The following CHST8 variants were observed in gnomAD, a reference collection of about 807,000 sequenced individuals.
The protein encoded by CHST8 is GALNAC-4-ST1.
Under a neutral mutation model 15.0 loss-of-function variants are expected in CHST8, and 10 were observed. The ratio of observed to expected loss-of-function variants is 0.67; its 90% confidence interval spans 0.41 to 1.13. The LOEUF (loss-of-function observed/expected upper bound fraction) is 1.13. CHST8 is among the 50% of genes most tolerant of loss of function. The pLI, the probability that CHST8 is intolerant of heterozygous loss-of-function variation, is 0.00. For missense variants in CHST8, 634 were observed against 608.2 expected (o/e 1.04, Z -0.45); for synonymous variants, 259 against 256.6 (o/e 1.01, Z -0.09).
At chr19:33,699,741 C>T (rs775974003) in intron 3 of CHST8, among the ~76,000 whole-genome samples, 1 of 152,156 alleles carries the variant, frequency 6.6e-6, no homozygotes, top group Non-Finnish European at 1.5e-5. Context: ...CTTCACTCTG[C>T]GTCCCAGGGT....
intron 3 of CHST8, among the ~76,000 whole-genome samples, chr19:33,692,869 C>T (rs1973124345): frequency 6.6e-6 from 1 of 152,096 alleles, no homozygotes; most frequent in African/African-American, 2.4e-5. Flanking sequence ...ACACCACATA[C>T]CGGGCACCCA....
chr19:33,651,441 A>G (rs767581394), intron 1 of CHST8, among the ~76,000 whole-genome samples: 11 of 152,170 alleles, frequency 7.2e-5, no homozygotes, highest in Admixed American at 2.0e-4. Context: ...AAATGTATTT[A>G]ATCTATAGAC....
At chr19:33,636,090 G>A (rs1231733385) in intron 1 of CHST8, among the ~76,000 whole-genome samples, 53 of 94,006 alleles carry the variant, frequency 5.6e-4, no homozygotes, top group Non-Finnish European at 1.0e-3. Flanking sequence ...GTTTATCAAA[G>A]TTAAAAAAAA....
At position 33,688,855 on chromosome 19, in the gene CHST8, G is replaced by A. The variant is rs546167338; in HGVS notation, c.-86-321G>A. On this transcript the variant is annotated intron_variant, in intron 2 of 4. Transcript: ENST00000650847. ...TTATTTGGAGGCCTGGACAGTGCAG[G>A]GGGTGGCTGCTGGTTACTGACTGGG... is the stretch of plus-strand genomic sequence containing the variant. Among the ~76,000 whole-genome samples, 90 of 152,150 alleles carry A rather than the reference G, an allele frequency of 5.9e-4. 1 individual carries two copies. The highest frequency in any genetic ancestry group is 5.8e-3 in the Admixed American group (88 of 15,288).
At chr19:33,732,512 G>A (rs10426647) in intron 3 of CHST8, among the ~76,000 whole-genome samples, 28,320 of 151,644 alleles carry the variant, frequency 0.19, 2,800 homozygotes, top group Middle Eastern at 0.22. Flanking sequence ...CAGCAGTGTA[G>A]GTGCTGGGGC....
intron 3 of CHST8, among the ~76,000 whole-genome samples, chr19:33,725,232 G>A (rs1973872161): frequency 6.6e-6 from 1 of 152,076 alleles, no homozygotes. Context: ...AGAGGTCCCC[G>A]TGGGGAAGGG....
chr19:33,736,915 CA>C (rs1568348575), intron 3 of CHST8, among the ~76,000 whole-genome samples: 1 of 152,122 alleles, frequency 6.6e-6, no homozygotes, highest in Non-Finnish European at 1.5e-5. Flanking sequence ...AGAAGCTGGC[CA>C]AAACCCGCCA....
intron 3 of CHST8, among the ~76,000 whole-genome samples, chr19:33,761,324 C>G (rs943032292): frequency 2.0e-5 from 3 of 151,930 alleles, no homozygotes; most frequent in African/African-American, 7.3e-5. Flanking sequence ...TGAGACCTTG[C>G]CTCTATGAAT....
Position 33,645,127 on chromosome 19 carries a change from AGAAATTCT to A in CHST8, c.-163-22637_-163-22630del, listed in dbSNP as rs572302556. 6.3e-3 allele frequency among the ~76,000 whole-genome samples: 959 copies of A among 152,240 alleles called. 12 individuals are homozygous for A. The highest frequency in any genetic ancestry group is 0.02 in the African/African-American group (845 of 41,540). Reference sequence around the variant, plus strand: ...CCAAATGTCCGTAGTGTGGAGGTTGAGAAATTCTGACCTGGGTGAAGATGAGTGTGGGC... The same window carrying A: ...CCAAATGTCCGTAGTGTGGAGGTTGAGACCTGGGTGAAGATGAGTGTGGGC... On this transcript the variant is annotated intron_variant, in intron 1 of 4. Transcript: ENST00000650847.
intron 1 of CHST8, among the ~76,000 whole-genome samples, chr19:33,628,081 G>A (rs1972079500): frequency 6.6e-6 from 1 of 152,182 alleles, no homozygotes; most frequent in Admixed American, 6.5e-5. Context: ...CTCGGAGGAG[G>A]TGGCCCTTCA....
chr19:33,628,527 G>A (rs1169803708), intron 1 of CHST8, among the ~76,000 whole-genome samples: 1 of 152,206 alleles, frequency 6.6e-6, no homozygotes, highest in African/African-American at 2.4e-5. Context: ...AGCCTAATGT[G>A]CAATGGAGTC....
chr19:33,699,846 G>A (rs1459476037), intron 3 of CHST8, among the ~76,000 whole-genome samples: 1 of 152,188 alleles, frequency 6.6e-6, no homozygotes, highest in African/African-American at 2.4e-5. Flanking sequence ...GTCATGTTCT[G>A]AGTGTGTCCC....
At chr19:33,690,732 G>A (rs565873285) in intron 3 of CHST8, among the ~76,000 whole-genome samples, 4 of 152,336 alleles carry the variant, frequency 2.6e-5, no homozygotes, top group South Asian at 2.1e-4. Context: ...CAGCAGAGCC[G>A]GCTCTCCTGT....
chr19:33,636,213 C>G (rs1371626457), intron 1 of CHST8, among the ~76,000 whole-genome samples: 2 of 152,072 alleles, frequency 1.3e-5, no homozygotes, highest in Non-Finnish European at 2.9e-5. Flanking sequence ...CAGACCTGTG[C>G]ATCGCGCCAA....
chr19:33,746,825 C>CT (rs530404353), intron 3 of CHST8, among the ~76,000 whole-genome samples: 2,565 of 147,436 alleles, frequency 0.017, 40 homozygotes, highest in South Asian at 0.055. Context: ...ACATTTTGTT[C>CT]TTTTTTTTTT....
At chr19:33,662,743 C>A (rs1972603422) in intron 1 of CHST8, among the ~76,000 whole-genome samples, 1 of 152,158 alleles carries the variant, frequency 6.6e-6, no homozygotes, top group Non-Finnish European at 1.5e-5. Context: ...TGTTCCTGAG[C>A]CCAGCTCTGG....
chr19:33,770,707 A>G (rs1432449331), intron 3 of CHST8, among the ~76,000 whole-genome samples: 1 of 152,156 alleles, frequency 6.6e-6, no homozygotes, highest in Non-Finnish European at 1.5e-5. Flanking sequence ...TGTCTTCCTG[A>G]GGTCATCAGT....
At chr19:33,651,759 T>C (rs914767019) in intron 1 of CHST8, among the ~76,000 whole-genome samples, 2 of 152,190 alleles carry the variant, frequency 1.3e-5, no homozygotes, top group Non-Finnish European at 2.9e-5. Context: ...GCAGAGATTG[T>C]GGTGTGCATG....
intron 1 of CHST8, among the ~76,000 whole-genome samples, chr19:33,623,887 G>C (rs1972017699): frequency 6.6e-6 from 1 of 152,206 alleles, no homozygotes; most frequent in Admixed American, 6.5e-5. Context: ...ACTGGCCTCT[G>C]TGAAGTGACC....
Sources: allele counts gnomAD v4.1 joint callset (sites outside exome capture counted in the v4.1 genomes callset), GRCh38; gene constraint gnomAD v4.1.1; transcripts MANE v1.5; gene names NCBI Gene and HGNC (gene_info 2026-07-23, HGNC 2026-07-21).